Variants in UMODL1 observed in about 807,000 individuals in gnomAD.
UMODL1 encodes the protein uromodulin like 1, also known as uromodulin-like 1.
Under a neutral mutation model 136.3 loss-of-function variants are expected in UMODL1, and 128 were observed. The ratio of observed to expected loss-of-function variants is 0.94; its 90% CI spans 0.81 to 1.09. UMODL1 has a LOEUF of 1.09. Ranked by LOEUF, UMODL1 falls within the 50% of genes least tolerant of loss-of-function variation. The pLI is 0.00. For synonymous variants in UMODL1, 721 were observed against 720.0 expected (o/e 1.00, Z -0.02); for missense variants, 1,766 against 1,725.6 (o/e 1.02, Z -0.41).
At position 42,127,177 on chromosome 21, in the gene UMODL1, G is replaced by A. The variant is rs199613251; in HGVS notation, c.3465G>A (p.Thr1155=). 30 of 1,614,124 alleles carry A rather than the reference G, an allele frequency of 1.9e-5. No individual in the cohort carries two copies. Among genetic ancestry groups the A allele is most frequent in the Middle Eastern group, 1.6e-4 (1 of 6,062 alleles). ...AAAGCAACCTCAAGGTGGTCCTGAC[G>A]GAGTGCTGGGCAACCCCGTCTAGCA... ...RQKSNLKVVL[T]ECWATPSSNA... Residue 1155 remains threonine (T), a synonymous_variant, in exon 19 of 23, where the codon ACG becomes ACA. Coordinates refer to ENST00000408910, the MANE Select transcript of UMODL1 (RefSeq NM_001004416.3).
At chr21:42,134,170 C>T (rs1294072579) in intron 21 of UMODL1, among the ~76,000 whole-genome samples, 2 of 152,254 alleles carry the variant, frequency 1.3e-5, no homozygotes, top group African/African-American at 2.4e-5. Context: ...CTACCCACCT[C>T]AGCCTCCCAA....
At chr21:42,089,999 T>C (rs1274407712) in intron 5 of UMODL1, among the ~76,000 whole-genome samples, 2 of 152,190 alleles carry the variant, frequency 1.3e-5, no homozygotes, top group Non-Finnish European at 2.9e-5. Context: ...CACCTTTTCA[T>C]GACCACTCAG....
chr21:42,076,661 A>C (rs768730151), intron 2 of UMODL1, among the ~76,000 whole-genome samples: 36 of 152,240 alleles, frequency 2.4e-4, no homozygotes, highest in Non-Finnish European at 4.4e-4. Flanking sequence ...AGTGATTCTC[A>C]TATACCACTG....
At position 42,126,315 on chromosome 21, in the gene UMODL1, G is replaced by A. The variant is rs758152641; in HGVS notation, c.3148-30G>A. 5.0e-6 allele frequency: 8 copies of A among 1,612,144 alleles called. No individual in the cohort carries two copies. In the Admixed American group the frequency reaches 1.3e-4, roughly 27 times the overall value. ...GGCGTGGGGGGCCGGCTGGGGCCTG[G>A]GAGCTCCTCATGCTCCGCTTTGTGC... On this transcript the variant is annotated intron_variant, in intron 17 of 22. Transcript: ENST00000408910.
At chr21:42,111,760 C>A in intron 12 of UMODL1, 50 bp downstream of exon 12, 1 of 1,497,610 alleles carries the variant, frequency 6.7e-7, no homozygotes, top group South Asian at 1.3e-5. Context: ...GGACCCATAG[C>A]CTGTGTGAGC....
chr21:42,119,413 C>T (rs220147), intron 15 of UMODL1, 89 bp downstream of exon 15: 735,694 of 1,237,704 alleles, frequency 0.59, 220,459 homozygotes, highest in Middle Eastern at 0.72. Flanking sequence ...TGAAAGATGT[C>T]GTGTTGTGCC....
Position 42,085,561 on chromosome 21 carries a change from GT to G in UMODL1, c.603+151del. The stretch of plus-strand genomic sequence containing the variant: ...ATGACTGACTCTGAACGAAATTCTA[GT>G]TCTTAAAAAATCAGCTTCAAAGAGG... On this transcript the variant is annotated intron_variant, in intron 4 of 22. Transcript: ENST00000408910. This position sits in a 1 kb window ranked among gnomAD's most constrained non-coding sequence, Gnocchi z 4.5. The G allele has an allele frequency of 2.4e-6, 3 of 1,245,808 alleles. No individual in the cohort carries two copies. The South Asian group carries it at 4.1e-5, about 17-fold the overall frequency. 77.2% of individuals were successfully genotyped at this position (1,245,808 alleles called of 1,614,324 possible).
At chr21:42,071,031 T>C (rs2066225604), upstream of UMODL1, among the ~76,000 whole-genome samples, 1 of 152,186 alleles carries the variant, frequency 6.6e-6, no homozygotes, top group Non-Finnish European at 1.5e-5. Flanking sequence ...GGCTTTTGGG[T>C]ACTCACCTTT....
intron 12 of UMODL1, 127 bp from the exon 13 acceptor site, chr21:42,113,446 G>A (rs781666278): frequency 2.3e-5 from 27 of 1,176,472 alleles, no homozygotes; most frequent in African/African-American, 3.1e-5. Context: ...CCATCACCTC[G>A]GCGGCCATCA....
intron 8 of UMODL1, chr21:42,103,667 C>T: frequency 2.8e-6 from 2 of 708,202 alleles, no homozygotes; most frequent in Non-Finnish European, 5.2e-6. Context: ...CCAGGCCAGG[C>T]CCGGCCGTCC....
rs112478827 is a variant in UMODL1 at position 42,127,025 on chromosome 21, G to C, written c.3313G>C (p.Asp1105His). 1.5e-5 allele frequency: 24 copies of C among 1,614,172 alleles called. 1 individual carries two copies. The African/African-American group carries it at 2.0e-4, about 13-fold the overall frequency. ...TTGCAGGGTTTACACCATCATCGAG[G>C]ACCTCCACGGCGCTGGGAATTTTGT... Reference protein sequence around the residue: ...LEWGVYTIIEDLHGAGNFVTE... With the variant: ...LEWGVYTIIEHLHGAGNFVTE... The change falls in exon 19 of 23, where the codon GAC becomes CAC. Residue 1105 changes from aspartate to histidine, a missense_variant. Physicochemically the swap from Asp to His is moderately conservative, Grantham distance 81. Transcript: ENST00000408910.
upstream of UMODL1, among the ~76,000 whole-genome samples, chr21:42,066,977 CTTTTTTTTTTTTTTT>C (rs1481122653): frequency 7.5e-6 from 1 of 132,836 alleles, no homozygotes; most frequent in African/African-American, 2.8e-5. Flanking sequence ...TTTTTTCTTT[CTTTTTTTTTTTTTTT>C]GAGATGGAGT....
chr21:42,125,356 G>T (rs1227321180), intron 17 of UMODL1, among the ~76,000 whole-genome samples: 1 of 152,104 alleles, frequency 6.6e-6, no homozygotes, highest in African/African-American at 2.4e-5. Context: ...GGGTGGCCAG[G>T]AAGCTGAGGG....
upstream of UMODL1, among the ~76,000 whole-genome samples, chr21:42,070,118 G>T (rs994202086): frequency 5.3e-5 from 8 of 152,286 alleles, no homozygotes; most frequent in African/African-American, 1.9e-4. Flanking sequence ...AATCTACAGA[G>T]AATAAAAGAG....
chr21:42,122,559 C>A lies in UMODL1; in HGVS notation c.2828-272C>A, dbSNP rs1386983899. ...TGTGCATGTGTGCGTGTGTGTGTGT[C>A]TGCACGTGTGTGCGTGCGTGTGTGC... On this transcript the variant is annotated intron_variant, in intron 16 of 22. Coordinates refer to ENST00000408910, the MANE Select transcript of UMODL1 (RefSeq NM_001004416.3). This position sits in a 1 kb window ranked among gnomAD's most constrained non-coding sequence, Gnocchi z 4.3. Among the ~76,000 whole-genome samples the A allele has an allele frequency of 6.7e-6, 1 of 149,378 alleles. No individual in the cohort carries two copies. The highest frequency in any genetic ancestry group is 1.5e-5 in the Non-Finnish European group (1 of 67,178).
chr21:42,137,932 C>T (rs984945911), intron 22 of UMODL1, among the ~76,000 whole-genome samples: 6 of 151,742 alleles, frequency 4.0e-5, no homozygotes, highest in South Asian at 2.1e-4. Flanking sequence ...CTTTACGGAG[C>T]GTGCAGCCTC....
chr21:42,131,680 C>T (rs149309106), intron 21 of UMODL1, among the ~76,000 whole-genome samples: 2 of 152,108 alleles, frequency 1.3e-5, no homozygotes, highest in East Asian at 3.9e-4. Flanking sequence ...AGTGACTCAA[C>T]TGCTGGTTCT....
At chr21:42,124,721 C>G (rs1032937751) in intron 17 of UMODL1, among the ~76,000 whole-genome samples, 1 of 152,048 alleles carries the variant, frequency 6.6e-6, no homozygotes, top group Non-Finnish European at 1.5e-5. Context: ...GGTTCCTGGT[C>G]GTTGGCGGGA....
At position 42,099,948 on chromosome 21, in the gene UMODL1, A is replaced by T. The variant is rs1353999447; in HGVS notation, c.1186+768A>T. ...TCAGGAGGCAACTTTTGTCTCCAAA[A>T]CACACACGACACACACATGAACTTG... On this transcript the variant is annotated intron_variant, in intron 7 of 22. Transcript: ENST00000408910. The surrounding 1 kb of genome is among the most constrained non-coding windows in gnomAD (Gnocchi z 4.1). 6.6e-6 allele frequency among the ~76,000 whole-genome samples: 1 copy of T among 152,136 alleles called. No individual in the cohort carries two copies. Among genetic ancestry groups the T allele is most frequent in the Non-Finnish European group, 1.5e-5 (1 of 68,024 alleles).
Sources: allele counts gnomAD v4.1 joint callset (sites outside exome capture counted in the v4.1 genomes callset), GRCh38; gene constraint gnomAD v4.1.1; non-coding constraint Gnocchi (gnomAD v3.1); transcripts MANE v1.5; gene names NCBI Gene and HGNC (gene_info 2026-07-23, HGNC 2026-07-21).